The following OR51D1 variants were observed in gnomAD, a reference collection of about 807,000 sequenced individuals.
OR51D1 encodes the protein olfactory receptor family 51 subfamily D member 1.
For missense variants in OR51D1, 452 were observed against 396.2 expected (o/e 1.14, Z -1.20); for synonymous variants, 187 against 161.1 (o/e 1.16, Z -1.22).
chr11:4,639,053 A>G (rs1266709075), intron 1 of OR51D1, among the ~76,000 whole-genome samples: 2 of 152,100 alleles, frequency 1.3e-5, no homozygotes, highest in African/African-American at 4.8e-5. Flanking sequence ...GGCCTCCCAA[A>G]GTGCTGGGAT....
rs1206318984 is a variant in OR51D1, at chr11:4,641,432, G to A, written c.*667G>A. ...TGCTTTTCAGTGTGCGTATATGTGA[G>A]AGAGAGGGTGCACACATGGAATACG... On this transcript the variant is annotated 3_prime_UTR_variant, in exon 2 of 2. Transcript: ENST00000641817. The A allele has an allele frequency of 6.5e-6, 1 of 153,138 alleles. No homozygotes were observed. The highest frequency in any genetic ancestry group is 1.5e-5 in the Non-Finnish European group (1 of 68,346). The allele number at this position is 153,138 out of a possible 1,614,324, so 9.5% of individuals were successfully genotyped here. A position where few individuals can be genotyped will look rare whatever the true frequency, so the allele number is the denominator to read the frequency against.
Position 4,640,256 on chromosome 11 carries a change from A to G in OR51D1, c.466A>G (p.Lys156Glu). 1.9e-6 allele frequency: 3 copies of G among 1,614,182 alleles called. No homozygotes were observed. Among genetic ancestry groups the G allele is most frequent in the Non-Finnish European group, 2.5e-6 (3 of 1,180,036 alleles). The change falls in exon 2 of 2, where the codon AAG becomes GAG. Residue 156 changes from lysine to glutamate, a missense_variant. By Grantham distance (56) the Lys-to-Glu change is moderately conservative. Coordinates refer to ENST00000641817, the MANE Select transcript of OR51D1 (RefSeq NM_001004751.3). ...ASVLTGCTVA[K>E]IGLSALTRGF... ...TGTGCTGACAGGGTGTACTGTGGCC[A>G]AGATTGGACTATCTGCCCTGACCAG...
chr11:4,637,705 C>T lies in OR51D1; in HGVS notation c.-63C>T, dbSNP rs1348842333. 1 of 152,278 alleles carries T rather than the reference C, an allele frequency of 6.6e-6. No individual in the cohort carries two copies. Among genetic ancestry groups the T allele is most frequent in the Non-Finnish European group, 1.5e-5 (1 of 68,098 alleles). 9.4% of individuals were successfully genotyped at this position (152,278 alleles called of 1,614,324 possible). On this transcript the variant is annotated 5_prime_UTR_variant, in exon 1 of 2. Coordinates refer to ENST00000641817, the MANE Select transcript of OR51D1 (RefSeq NM_001004751.3). ...TTCCAAGCTTTGCCTATCCTTTGTC[C>T]CAGGACAGGACTCCTCAGTTCCTGC...
intron 1 of OR51D1, among the ~76,000 whole-genome samples, chr11:4,638,886 A>G (rs1397355804): frequency 1.3e-5 from 2 of 152,052 alleles, no homozygotes; most frequent in African/African-American, 4.8e-5. Flanking sequence ...TCTGCCGCCC[A>G]GGTTCAAATG....
Position 4,640,061 on chromosome 11 carries a change from A to C in OR51D1, c.271A>C (p.Met91Leu), listed in dbSNP as rs1589858493. 6.2e-7 allele frequency: 1 copy of C among 1,614,030 alleles called. No homozygotes were observed. The highest frequency in any genetic ancestry group is 8.5e-7 in the Non-Finnish European group (1 of 1,180,016). The change falls in exon 2 of 2, where the codon ATG becomes CTG. Residue 91 changes from methionine (M) to leucine (L), a missense_variant. By Grantham distance (15) the Met-to-Leu change is conservative. Transcript: ENST00000641817. ...TGACCTAGTCCTCTCCTCTATCACC[A>C]TGCCCAAGATGGCCAGTCTTTTCCT... The part of the protein sequence containing the change: ...TIDLVLSSIT[M>L]PKMASLFLMG...
rs748554178 is a variant in OR51D1 at position 4,640,336 on chromosome 11, CCAAA to C, written c.549_552del (p.Gln183HisfsTer15). 1 of 1,614,148 alleles carries C rather than the reference CCAAA, an allele frequency of 6.2e-7. No individual in the cohort carries two copies. The highest frequency in any genetic ancestry group is 8.5e-7 in the Non-Finnish European group (1 of 1,179,990). On this transcript the variant is annotated frameshift_variant, in exon 2 of 2. Transcript: ENST00000641817. LOFTEE classifies it high-confidence loss of function. The stretch of plus-strand genomic sequence containing the variant: ...TCATCCTCAAGTGGTTGTCCTACTG[CCAAA>C]CACATACTGTCACACACTCCTTCTG...
rs777485556 is a variant in OR51D1, at chr11:4,640,185, CTT to C, written c.398_399del (p.Phe133Ter). On this transcript the variant is annotated frameshift_variant, in exon 2 of 2. Coordinates refer to ENST00000641817, the MANE Select transcript of OR51D1 (RefSeq NM_001004751.3). LOFTEE classifies it low-confidence loss of function (END_TRUNC). ...GAGTCAGCTGTCCTGCTGGCCATGGCTTTTGACCGCTTTGTGGCCATTTGCCA... is the reference window on the plus strand; with the variant it reads ...GAGTCAGCTGTCCTGCTGGCCATGGCTTGACCGCTTTGTGGCCATTTGCCA... 1 of 1,614,116 alleles carries C rather than the reference CTT, an allele frequency of 6.2e-7. No individual in the cohort carries two copies.
chr11:4,641,320 G>A lies in OR51D1; in HGVS notation c.*555G>A, dbSNP rs1228081326. 6.3e-6 allele frequency: 1 copy of A among 157,624 alleles called. No individual in the cohort carries two copies. Among genetic ancestry groups the A allele is most frequent in the Non-Finnish European group, 1.4e-5 (1 of 71,302 alleles). The allele number at this position is 157,624 out of a possible 1,614,324, so 9.8% of individuals were successfully genotyped here. A position where few individuals can be genotyped will look rare whatever the true frequency, so the allele number is the denominator to read the frequency against. ...TTGTGAAATCTGCCCATTTGCATCT[G>A]TATGGCTCTATATGACTATTTGTCC... On this transcript the variant is annotated 3_prime_UTR_variant, in exon 2 of 2. Coordinates refer to ENST00000641817, the MANE Select transcript of OR51D1 (RefSeq NM_001004751.3).
intron 1 of OR51D1, 147 bp from the exon 2 acceptor site, chr11:4,639,630 C>A: frequency 1.4e-6 from 1 of 738,936 alleles, no homozygotes; most frequent in Non-Finnish European, 2.2e-6. Context: ...AGAATCAGAG[C>A]AGAGAGAGAC....
Position 4,642,627 on chromosome 11 carries a change from G to A in OR51D1, c.*1862G>A, listed in dbSNP as rs1042371201. ...TAATCCCTCTGGGAAAGCAAGGGTG[G>A]AGGGGAAGCCAGTCAATCTCCCTTC... On this transcript the variant is annotated 3_prime_UTR_variant, in exon 2 of 2. Transcript: ENST00000641817. 3 of 151,936 alleles carry A rather than the reference G, an allele frequency of 2.0e-5. No homozygotes were observed. The highest frequency in any genetic ancestry group is 4.4e-5 in the Non-Finnish European group (3 of 68,064). 9.4% of individuals were successfully genotyped at this position (151,936 alleles called of 1,614,324 possible).
rs772997317 is a variant in OR51D1 at position 4,639,814 on chromosome 11, C to T, written c.24C>T (p.Val8=). 6.2e-6 allele frequency: 10 copies of T among 1,613,542 alleles called. No homozygotes were observed. Among genetic ancestry groups the T allele is most frequent in the Middle Eastern group, 1.6e-4 (1 of 6,082 alleles). ...GTATGCAGAAGCCCCAGCTCTTGGTCCCTATCATAGCCACTTCAAATGGAA... is the reference window on the plus strand; with the variant it reads ...GTATGCAGAAGCCCCAGCTCTTGGTTCCTATCATAGCCACTTCAAATGGAA... MQKPQLL[V]PIIATSNGNL... is the part of the protein sequence containing the mutation. The change falls in exon 2 of 2, where the codon GTC becomes GTT. Residue 8 remains valine (V), a synonymous_variant. Coordinates refer to ENST00000641817, the MANE Select transcript of OR51D1 (RefSeq NM_001004751.3).
In OR51D1 at chr11:4,641,487, C is replaced by G. The variant is rs1166995982; in HGVS notation, c.*722C>G. 1 of 152,376 alleles carries G rather than the reference C, an allele frequency of 6.6e-6. No homozygotes were observed. Among genetic ancestry groups the G allele is most frequent in the Non-Finnish European group, 1.5e-5 (1 of 68,084 alleles). The allele number at this position is 152,376 out of a possible 1,614,324, so 9.4% of individuals were successfully genotyped here. The stretch of plus-strand genomic sequence containing the variant: ...GGTTGTGTCCTGGTGAGTGTGGTAG[C>G]TATGTCCTGGCACATGTATGTTTCA... On this transcript the variant is annotated 3_prime_UTR_variant, in exon 2 of 2. Coordinates refer to ENST00000641817, the MANE Select transcript of OR51D1 (RefSeq NM_001004751.3).
In OR51D1 at chr11:4,640,097, C is replaced by T; in HGVS notation, c.307C>T (p.Gln103Ter). The T allele has an allele frequency of 6.2e-7, 1 of 1,614,188 alleles. No individual in the cohort carries two copies. ...GGCCAGTCTTTTCCTGATGGGCATC[C>T]AGGAGATCGAGTTCAACATTTGCCT... ...KMASLFLMGI[Q>*]EIEFNICLAQ... The change falls in exon 2 of 2, where the codon CAG becomes TAG. Residue 103 changes from glutamine (Q) to a stop codon, truncating the protein, a stop_gained. Transcript: ENST00000641817. LOFTEE classifies it low-confidence loss of function (END_TRUNC).
chr11:4,639,829 TTCAA>T lies in OR51D1; in HGVS notation c.40_43del (p.Ser14MetfsTer42). ...AGCTCTTGGTCCCTATCATAGCCAC[TTCAA>T]ATGGAAATCTGGTCCACGCAGCATA... On this transcript the variant is annotated frameshift_variant, in exon 2 of 2. Transcript: ENST00000641817. LOFTEE classifies it high-confidence loss of function. 6.2e-7 allele frequency: 1 copy of T among 1,614,154 alleles called. No homozygotes were observed. The highest frequency in any genetic ancestry group is 1.7e-5 in the Admixed American group (1 of 60,022).
chr11:4,638,051 G>T (rs1159166052), intron 1 of OR51D1, among the ~76,000 whole-genome samples: 2 of 152,204 alleles, frequency 1.3e-5, no homozygotes, highest in East Asian at 3.8e-4. Context: ...GTTTGGAATA[G>T]ACTAGGTTTG....
rs760431006 is a variant in OR51D1 at position 4,640,628 on chromosome 11, C to G, written c.838C>G (p.Pro280Ala). The G allele has an allele frequency of 5.3e-5, 85 of 1,602,210 alleles. No homozygotes were observed. The Middle Eastern group carries it at 9.9e-4, about 19-fold the overall frequency. Reference protein sequence around the residue: ...GLSVVHRLGGPTSLLHVVMAN... With the variant: ...GLSVVHRLGGATSLLHVVMAN... ...CTCGGTGGTGCATAGGCTGGGTGGT[C>G]CCACCTCCCTCCTCCATGTGGTTAT... Residue 280 changes from proline (P) to alanine (A), a missense_variant, in exon 2 of 2, where the codon CCC (proline) becomes GCC (alanine). Pro to Ala is a conservative substitution (Grantham distance 27, BLOSUM62 -1). Transcript: ENST00000641817.
rs772913139 is a variant in OR51D1, at chr11:4,640,190, G to C, written c.400G>C (p.Asp134His). The C allele has an allele frequency of 6.2e-7, 1 of 1,614,210 alleles. No homozygotes were observed. Among genetic ancestry groups the C allele is most frequent in the East Asian group, 2.2e-5 (1 of 44,884 alleles). The change falls in exon 2 of 2, where the codon GAC (aspartate) becomes CAC (histidine). Residue 134 changes from aspartate (D) to histidine (H), a missense_variant. Coordinates refer to ENST00000641817, the MANE Select transcript of OR51D1 (RefSeq NM_001004751.3). ...ESAVLLAMAF[D>H]RFVAICHPLR... is the part of the protein sequence containing the mutation. ...AGCTGTCCTGCTGGCCATGGCTTTT[G>C]ACCGCTTTGTGGCCATTTGCCACCC...
rs1846976266 is a variant in OR51D1 at position 4,642,214 on chromosome 11, C to G, written c.*1449C>G. ...GACCACACCTTCTTCATCCTGAACA[C>G]AAGGATTTCAAGGGCTTTTGTTACC... is the stretch of plus-strand genomic sequence containing the variant. On this transcript the variant is annotated 3_prime_UTR_variant, in exon 2 of 2. Transcript: ENST00000641817. The G allele has an allele frequency of 6.6e-6, 1 of 152,162 alleles. No individual in the cohort carries two copies. Among genetic ancestry groups the G allele is most frequent in the Non-Finnish European group, 1.5e-5 (1 of 68,042 alleles). The allele number at this position is 152,162 out of a possible 1,614,324, so 9.4% of individuals were successfully genotyped here.
intron 1 of OR51D1, 145 bp from the exon 2 acceptor site, chr11:4,639,632 G>C: frequency 1.3e-6 from 1 of 757,252 alleles, no homozygotes; most frequent in South Asian, 1.8e-5. Flanking sequence ...AATCAGAGCA[G>C]AGAGAGACTA....
Sources: gnomAD v4.1 joint callset for allele counts (sites outside exome capture counted in the v4.1 genomes callset) on GRCh38, gnomAD v4.1.1 for gene constraint, MANE v1.5 for transcripts, NCBI Gene and HGNC (gene_info 2026-07-23, HGNC 2026-07-21) for gene names.